The following THBS4 variants were observed in gnomAD, a reference collection of about 807,000 sequenced individuals.
The protein encoded by THBS4 is thrombospondin 4.
A neutral mutation model predicts 115.7 loss-of-function variants in THBS4; 90 were observed. The ratio of observed to expected loss-of-function variants is 0.78; its 90% confidence interval spans 0.66 to 0.93. The LOEUF (loss-of-function observed/expected upper bound fraction) is 0.93, where lower values mean the gene tolerates loss of function less well. THBS4 is among the 40% of genes least tolerant of loss of function. The probability of loss-of-function intolerance (pLI) is 0.00; values close to 1 mark genes in which losing one functional copy is unlikely to be tolerated. For missense variants in THBS4, 1,087 were observed against 1,232.7 expected (o/e 0.88, Z 1.77); for synonymous variants, 460 against 479.3 (o/e 0.96, Z 0.53).
chr5:80,008,658 T>C (rs1832063397), intron 2 of THBS4, among the ~76,000 whole-genome samples: 1 of 152,206 alleles, frequency 6.6e-6, no homozygotes, highest in South Asian at 2.1e-4. Flanking sequence ...TTTCTCAACA[T>C]TGGCACTATT....
chr5:80,040,739 A>G (rs1832872957), intron 2 of THBS4, among the ~76,000 whole-genome samples: 1 of 152,216 alleles, frequency 6.6e-6, no homozygotes, highest in African/African-American at 2.4e-5. Context: ...ATAAAAGACT[A>G]CCGGAGACTG....
chr5:80,018,190 A>G (rs1400196126), intron 2 of THBS4, among the ~76,000 whole-genome samples: 1 of 151,988 alleles, frequency 6.6e-6, no homozygotes, highest in East Asian at 1.9e-4. Context: ...AATTAGGTGT[A>G]TGGACTTTTT....
chr5:80,008,315 A>G (rs2151153158), intron 2 of THBS4, among the ~76,000 whole-genome samples: 1 of 152,344 alleles, frequency 6.6e-6, no homozygotes, highest in African/African-American at 2.4e-5. Context: ...GATAAAATAT[A>G]AGATGATGCC....
chr5:80,015,992 T>G (rs898705549), intron 2 of THBS4, among the ~76,000 whole-genome samples: 1 of 152,172 alleles, frequency 6.6e-6, no homozygotes, highest in African/African-American at 2.4e-5. Context: ...AATTACATGA[T>G]GCATCCATTT....
chr5:79,996,705 C>T (rs374855470), intron 1 of THBS4, among the ~76,000 whole-genome samples: 7 of 152,190 alleles, frequency 4.6e-5, no homozygotes, highest in African/African-American at 1.4e-4. Flanking sequence ...GCATAGTAAA[C>T]CTGCTGTCTT....
At position 80,035,995 on chromosome 5, in the gene THBS4, G is replaced by A. The variant is rs1832708789; in HGVS notation, c.88+370G>A. ...ACCCTGTGCCGGTTCCCTCCAGGCA[G>A]CCTTGCTCCCTAAATCCTTCCTCAG... On this transcript the variant is annotated intron_variant, in intron 1 of 21. Coordinates refer to ENST00000350881, the MANE Select transcript of THBS4 (RefSeq NM_003248.6). The surrounding 1 kb of genome is among the most constrained non-coding windows in gnomAD (Gnocchi z 4.6). 9.8e-7 allele frequency: 1 copy of A among 1,017,904 alleles called. No individual in the cohort carries two copies. Among genetic ancestry groups the A allele is most frequent in the Non-Finnish European group, 1.2e-6 (1 of 851,800 alleles). The allele number at this position is 1,017,904 out of a possible 1,614,324, so 63.1% of individuals were successfully genotyped here.
rs765526945 is a variant in THBS4, at chr5:80,059,898, T to A, written c.980T>A (p.Val327Asp). The part of the protein sequence containing the change: ...YTGNGITCID[V>D]DECKYHPCYP... ...GGAAACGGGATCACCTGTATTGATG[T>A]TGATGAGGTAAAAGTTCACTTAGAC... The change falls in exon 7 of 22, where the codon GTT (valine) becomes GAT (aspartate). Residue 327 changes from valine to aspartate, a missense_variant. Coordinates refer to ENST00000350881, the MANE Select transcript of THBS4 (RefSeq NM_003248.6). 2 of 1,613,774 alleles carry A rather than the reference T, an allele frequency of 1.2e-6. No individual in the cohort carries two copies. The highest frequency in any genetic ancestry group is 2.2e-5 in the South Asian group (2 of 91,076).
At chr5:80,027,302 C>T (rs1660065116) in intron 2 of THBS4, among the ~76,000 whole-genome samples, 1 of 152,138 alleles carries the variant, frequency 6.6e-6, no homozygotes, top group Admixed American at 6.5e-5. Flanking sequence ...GCAGAATCCC[C>T]ACCCTCTCCT....
At chr5:80,014,240 A>G (rs1330875500) in intron 2 of THBS4, among the ~76,000 whole-genome samples, 1 of 152,206 alleles carries the variant, frequency 6.6e-6, no homozygotes, top group African/African-American at 2.4e-5. Flanking sequence ...CAGCTTTGGA[A>G]TCTCACAGTG....
intron 20 of THBS4, 194 bp from the exon 21 acceptor site, chr5:80,082,212 T>A: frequency 1.9e-5 from 11 of 564,238 alleles, no homozygotes; most frequent in East Asian, 6.4e-5. Flanking sequence ...ACACGGTCCC[T>A]GCCCTCAAGG....
rs148499662 is a variant in THBS4 at position 80,076,728 on chromosome 5, T to G, written c.1893-127T>G. On this transcript the variant is annotated intron_variant, in intron 15 of 21. Coordinates refer to ENST00000350881, the MANE Select transcript of THBS4 (RefSeq NM_003248.6). ...GCCTTATCTAAGGGAATGACCCCAG[T>G]GGGTTTGATTTTAAGAGCCAACCCT... is the stretch of plus-strand genomic sequence containing the variant. The G allele has an allele frequency of 3.8e-4, 355 of 939,600 alleles. 1 individual carries two copies. Among genetic ancestry groups the G allele is most frequent in the South Asian group, 1.1e-3 (39 of 35,354 alleles). The allele number at this position is 939,600 out of a possible 1,614,324, so 58.2% of individuals were successfully genotyped here.
chr5:80,059,327 CAA>C (rs34023954), intron 5 of THBS4, 111 bp from the exon 6 acceptor site: 60,675 of 747,508 alleles, frequency 0.081, 11 homozygotes, highest in Middle Eastern at 0.095. Flanking sequence ...GAGACTGTCT[CAA>C]AAAAAAAAAA....
chr5:80,049,778 G>T (rs1453320640), intron 2 of THBS4, among the ~76,000 whole-genome samples: 1 of 152,208 alleles, frequency 6.6e-6, no homozygotes, highest in Non-Finnish European at 1.5e-5. Context: ...ACATTATTTA[G>T]AATCCACTAG....
In THBS4 at chr5:80,040,250, G is replaced by A; in HGVS notation, c.262G>A (p.Glu88Lys). 1 of 1,613,820 alleles carries A rather than the reference G, an allele frequency of 6.2e-7. No homozygotes were observed. The highest frequency in any genetic ancestry group is 8.5e-7 in the Non-Finnish European group (1 of 1,179,848). The stretch of plus-strand genomic sequence containing the variant: ...TTCAACTGACAACAGTAAATATTTT[G>A]AATTTACTGTGATGGGACGCTTAAA... ...YSSTDNSKYF[E>K]FTVMGRLNKA... Residue 88 changes from glutamate (E) to lysine (K), a missense_variant, in exon 2 of 22, where the codon GAA (glutamate) becomes AAA (lysine). Coordinates refer to ENST00000350881, the MANE Select transcript of THBS4 (RefSeq NM_003248.6).
chr5:80,080,577 A>ATTTTT (rs1743442985), intron 20 of THBS4, among the ~76,000 whole-genome samples: 1 of 66,824 alleles, frequency 1.5e-5, no homozygotes, highest in African/African-American at 5.5e-5. Flanking sequence ...CAGCGCTTGT[A>ATTTTT]TCTTTTTTTT....
intron 2 of THBS4, among the ~76,000 whole-genome samples, chr5:80,009,595 AAT>A (rs1832081685): frequency 2.0e-5 from 3 of 152,042 alleles, no homozygotes; most frequent in African/African-American, 7.2e-5. Context: ...TTTCCACTCA[AAT>A]TCTTTGTGAT....
At chr5:80,036,645 C>A (rs17879904) in intron 1 of THBS4, among the ~76,000 whole-genome samples, 55 of 152,266 alleles carry the variant, frequency 3.6e-4, no homozygotes, top group African/African-American at 1.3e-3. Context: ...GGGTAGAAAG[C>A]AGTTAAACAG....
chr5:79,996,279 T>C (rs1831793289), intron 1 of THBS4, among the ~76,000 whole-genome samples: 1 of 152,268 alleles, frequency 6.6e-6, no homozygotes, highest in Non-Finnish European at 1.5e-5. Flanking sequence ...ATGGGCAGGC[T>C]AATGATTAGG....
At chr5:80,015,708 TC>T (rs1407713208) in intron 2 of THBS4, among the ~76,000 whole-genome samples, 1 of 152,086 alleles carries the variant, frequency 6.6e-6, no homozygotes, top group Non-Finnish European at 1.5e-5. Context: ...GCATGCTGGC[TC>T]CCAAGGCAAG....
Sources: allele counts gnomAD v4.1 joint callset (sites outside exome capture counted in the v4.1 genomes callset), GRCh38; gene constraint gnomAD v4.1.1; non-coding constraint Gnocchi (gnomAD v3.1); transcripts MANE v1.5; gene names NCBI Gene and HGNC (gene_info 2026-07-23, HGNC 2026-07-21).